Variants in SLIT1 observed in about 807,000 individuals in gnomAD.
SLIT1 encodes slit homolog 1 protein.
In SLIT1, 66 loss-of-function variants were observed where a neutral mutation model predicts 186.1. That is an observed-to-expected ratio of 0.35 (90% CI 0.29 to 0.44). The LOEUF is 0.44. Among genes scored for constraint, SLIT1 ranks in the 20% least tolerant of loss-of-function variants. The pLI is 1.00. For missense variants in SLIT1, 1,638 were observed against 2,037.4 expected (o/e 0.80, Z 3.77); for synonymous variants, 761 against 833.8 (o/e 0.91, Z 1.50).
intron 5 of SLIT1, among the ~76,000 whole-genome samples, chr10:97,065,158 ACACACACACAC>A (rs1848933583): frequency 2.2e-5 from 2 of 92,842 alleles, no homozygotes; most frequent in South Asian, 7.4e-4. Context: ...ACACACACAC[ACACACACACAC>A]ATTTTGGAGA....
Position 97,184,435 on chromosome 10 carries a change from C to T in SLIT1, c.197+1043G>A, listed in dbSNP as rs1344478476. Reference sequence around the variant, plus strand: ...AGGCCCTGCATGTGACCAAAATCTACACACACACAGCCCATTACGGGGACT... The same window carrying T: ...AGGCCCTGCATGTGACCAAAATCTATACACACACAGCCCATTACGGGGACT... On this transcript the variant is annotated intron_variant, in intron 1 of 36. Coordinates refer to ENST00000266058, the MANE Select transcript of SLIT1 (RefSeq NM_003061.3). The surrounding 1 kb of genome is among the most constrained non-coding windows in gnomAD (Gnocchi z 4.4). 6.6e-6 allele frequency among the ~76,000 whole-genome samples: 1 copy of T among 152,100 alleles called. No homozygotes were observed. The highest frequency in any genetic ancestry group is 1.5e-5 in the Non-Finnish European group (1 of 68,016).
chr10:97,068,264 G>C lies in SLIT1; in HGVS notation c.414-2178C>G, dbSNP rs534867640. Among the ~76,000 whole-genome samples the C allele has an allele frequency of 6.6e-6, 1 of 151,976 alleles. No individual in the cohort carries two copies. ...AGCTGGAGGGAGGAGCCTGGGGTTC[G>C]AGGCCTGGCCCTCCCCCTCCTGGCC... On this transcript the variant is annotated intron_variant, in intron 4 of 36. Transcript: ENST00000266058. This position sits in a 1 kb window ranked among gnomAD's most constrained non-coding sequence, Gnocchi z 4.2.
Position 97,085,533 on chromosome 10 carries a change from G to A in SLIT1, c.414-19447C>T, listed in dbSNP as rs568504804. Among the ~76,000 whole-genome samples, 243 of 152,030 alleles carry A rather than the reference G, an allele frequency of 1.6e-3. 1 individual carries two copies. The highest frequency in any genetic ancestry group is 5.1e-3 in the African/African-American group (210 of 41,468). The stretch of plus-strand genomic sequence containing the variant: ...CTCCTGAGTAGCTGGGATTACAGGC[G>A]CATGCCACCACACCCAGCTAATTTT... On this transcript the variant is annotated intron_variant, in intron 4 of 36. Coordinates refer to ENST00000266058, the MANE Select transcript of SLIT1 (RefSeq NM_003061.3).
Position 97,006,733 on chromosome 10 carries a change from G to A in SLIT1, c.3342-13C>T. ...ACAGAGCTGTCCACTGAGAGGAAAG[G>A]ACATAAGTCAGAGAGGGCCAAGGAG... On this transcript the variant is annotated splice_polypyrimidine_tract_variant and intron_variant, in intron 31 of 36. Transcript: ENST00000266058. The surrounding 1 kb of genome is among the most constrained non-coding windows in gnomAD (Gnocchi z 4.0). 1 of 1,596,306 alleles carries A rather than the reference G, an allele frequency of 6.3e-7. No homozygotes were observed. The highest frequency in any genetic ancestry group is 8.6e-7 in the Non-Finnish European group (1 of 1,164,290).
Position 97,034,458 on chromosome 10 carries a change from TG to T in SLIT1, c.2438+12del, listed in dbSNP as rs1307186150. 5 of 1,606,646 alleles carry T rather than the reference TG, an allele frequency of 3.1e-6. No homozygotes were observed. The highest frequency in any genetic ancestry group is 4.3e-6 in the Non-Finnish European group (5 of 1,173,344). ...GCCCCGGGGCCCCCCACCCCAGCCCTGCTGGGACTCACAGAGTGGTCAGCTG... is the reference window on the plus strand; with the variant it reads ...GCCCCGGGGCCCCCCACCCCAGCCCTCTGGGACTCACAGAGTGGTCAGCTG... On this transcript the variant is annotated intron_variant, in intron 23 of 36. Coordinates refer to ENST00000266058, the MANE Select transcript of SLIT1 (RefSeq NM_003061.3).
chr10:97,025,653 G>A (rs1452374474), intron 25 of SLIT1, among the ~76,000 whole-genome samples: 1 of 152,154 alleles, frequency 6.6e-6, no homozygotes, highest in Non-Finnish European at 1.5e-5. Context: ...GCCAGGCCAC[G>A]CCAATCCAAA....
chr10:97,018,044 T>C (rs1848469204), intron 28 of SLIT1, among the ~76,000 whole-genome samples: 2 of 152,200 alleles, frequency 1.3e-5, no homozygotes, highest in South Asian at 4.2e-4. Flanking sequence ...AGATGGGGTT[T>C]CACTATGTTG....
At chr10:97,110,594 T>A (rs1257996720) in intron 4 of SLIT1, among the ~76,000 whole-genome samples, 2 of 152,234 alleles carry the variant, frequency 1.3e-5, no homozygotes, top group Non-Finnish European at 2.9e-5. Flanking sequence ...TTGGTTCCTT[T>A]ATGAAAAAGT....
At chr10:97,131,620 C>T (rs995173455) in intron 4 of SLIT1, among the ~76,000 whole-genome samples, 1 of 152,234 alleles carries the variant, frequency 6.6e-6, no homozygotes, top group Non-Finnish European at 1.5e-5. Flanking sequence ...ATGGCTCCAC[C>T]ACCTTAAAGG....
At chr10:97,042,823 C>G in intron 20 of SLIT1, 78 bp downstream of exon 20, 1 of 1,495,348 alleles carries the variant, frequency 6.7e-7, no homozygotes. Context: ...CTGTCCACTC[C>G]CATCTTCCTC....
Position 97,030,836 on chromosome 10 carries a change from G to A in SLIT1, c.2511-8C>T, listed in dbSNP as rs1159118049. 1 of 1,613,282 alleles carries A rather than the reference G, an allele frequency of 6.2e-7. No individual in the cohort carries two copies. The highest frequency in any genetic ancestry group is 1.3e-5 in the African/African-American group (1 of 74,926). On this transcript the variant is annotated splice_polypyrimidine_tract_variant and splice_region_variant and intron_variant, in intron 24 of 36. Transcript: ENST00000266058. ...TCATTGCCGTGGAGAGACCTGAGAA[G>A]GGAAGAGGCTGCTGGTGCCTTATCC...
chr10:97,142,149 T>C (rs1264880454), intron 4 of SLIT1, among the ~76,000 whole-genome samples: 1 of 151,656 alleles, frequency 6.6e-6, no homozygotes, highest in Non-Finnish European at 1.5e-5. Flanking sequence ...CATCGGCCCT[T>C]TCACAACAAA....
intron 1 of SLIT1, among the ~76,000 whole-genome samples, chr10:97,181,705 G>C (rs1304657362): frequency 6.6e-6 from 1 of 152,154 alleles, no homozygotes; most frequent in Non-Finnish European, 1.5e-5. Flanking sequence ...AAAAAGACCA[G>C]ACAAGCAGCA....
chr10:97,175,802 G>A (rs978307562), intron 1 of SLIT1, among the ~76,000 whole-genome samples: 18 of 151,984 alleles, frequency 1.2e-4, no homozygotes, highest in African/African-American at 3.6e-4. Flanking sequence ...GAGGCCACCC[G>A]CCACTGACCT....
chr10:97,127,829 G>C (rs773590588), intron 4 of SLIT1, among the ~76,000 whole-genome samples: 2 of 152,094 alleles, frequency 1.3e-5, no homozygotes, highest in Non-Finnish European at 2.9e-5. Flanking sequence ...CCACCTCTTC[G>C]GGCCTCACTG....
At position 97,056,464 on chromosome 10, in the gene SLIT1, C is replaced by T; in HGVS notation, c.1158G>A (p.Leu386=). 5.0e-6 allele frequency: 8 copies of T among 1,614,004 alleles called. No individual in the cohort carries two copies. Among genetic ancestry groups the T allele is most frequent in the Non-Finnish European group, 5.9e-6 (7 of 1,179,932 alleles). The change falls in exon 13 of 37, where the codon CTG becomes CTA. Residue 386 remains leucine (L), a splice_region_variant and synonymous_variant. Transcript: ENST00000266058. The part of the protein sequence containing the change: ...VFGGLYTLQL[L]LLNANKINCI... ...AGTTGATCTTGTTGGCATTCAGGAG[C>T]CTGTGGGCAGAGCCAGGACCAAGTG...
chr10:97,107,236 C>G (rs763722363), intron 4 of SLIT1, among the ~76,000 whole-genome samples: 1 of 152,238 alleles, frequency 6.6e-6, no homozygotes, highest in African/African-American at 2.4e-5. Flanking sequence ...CCTGAGCTGG[C>G]TCATGTGCTG....
At chr10:97,089,433 C>T (rs948331774) in intron 4 of SLIT1, among the ~76,000 whole-genome samples, 5 of 152,268 alleles carry the variant, frequency 3.3e-5, no homozygotes, top group Middle Eastern at 3.4e-3. Flanking sequence ...CTGGGGCCCT[C>T]GGCTCCAGGG....
rs1236977737 is a variant in SLIT1 at position 97,022,036 on chromosome 10, C to T, written c.2583-623G>A. ...GCCATGCTGTTGGGGCCAGAGCCTA[C>T]GAATGCACTGCCTCCAGTGTGCATG... On this transcript the variant is annotated intron_variant, in intron 25 of 36. Coordinates refer to ENST00000266058, the MANE Select transcript of SLIT1 (RefSeq NM_003061.3). This position sits in a 1 kb window ranked among gnomAD's most constrained non-coding sequence, Gnocchi z 4.2. Among the ~76,000 whole-genome samples, 17 of 152,218 alleles carry T rather than the reference C, an allele frequency of 1.1e-4. No homozygotes were observed. Among genetic ancestry groups the T allele is most frequent in the African/African-American group, 4.8e-5 (2 of 41,456 alleles).
Sources: gnomAD v4.1 joint callset for allele counts (sites outside exome capture counted in the v4.1 genomes callset) on GRCh38, gnomAD v4.1.1 for gene constraint, Gnocchi (gnomAD v3.1) non-coding constraint, MANE v1.5 for transcripts, NCBI Gene and HGNC (gene_info 2026-07-23, HGNC 2026-07-21) for gene names.